MED12L: variants seen among roughly 807,000 people sequenced by gnomAD.
MED12L encodes the protein mediator complex subunit 12L.
MED12L carries 60 observed loss-of-function variants against 281.3 expected under a neutral mutation model. The observed-to-expected ratio is 0.21, with a 90% CI of 0.17 to 0.26. The LOEUF is 0.26. MED12L is among the 10% of genes least tolerant of loss of function. MED12L has a pLI of 1.00. For synonymous variants in MED12L, 974 were observed against 987.2 expected (o/e 0.99, Z 0.25); for missense variants, 2,146 against 2,680.9 (o/e 0.80, Z 4.41).
At chr3:151,138,257 TG>T (rs1716440372) in intron 5 of MED12L, among the ~76,000 whole-genome samples, 1 of 151,886 alleles carries the variant, frequency 6.6e-6, no homozygotes, top group Non-Finnish European at 1.5e-5. Context: ...TCCTTCATTG[TG>T]TGGATGTACC....
rs200113922 is a variant in MED12L, at chr3:151,368,717, T to G, written c.3550+466T>G. ...TTCATTTCATTTCATTTCATTTCAT[T>G]TCATTTCATTTCATTTCATTTCATT... is the stretch of plus-strand genomic sequence containing the variant. On this transcript the variant is annotated intron_variant, in intron 25 of 44. Transcript: ENST00000687756. 2.7e-3 allele frequency among the ~76,000 whole-genome samples: 234 copies of G among 85,856 alleles called. 5 individuals carry two copies. The highest frequency in any genetic ancestry group is 7.9e-3 in the East Asian group (23 of 2,914). 56.3% of individuals were successfully genotyped at this position (85,856 alleles called of 152,430 possible). A position where few individuals can be genotyped will look rare whatever the true frequency, so the allele number is the denominator to read the frequency against.
chr3:151,116,577 C>T (rs537364334), intron 3 of MED12L, 135 bp downstream of exon 3: 12 of 599,420 alleles, frequency 2.0e-5, no homozygotes, highest in East Asian at 2.8e-5. Flanking sequence ...CCATGTATAC[C>T]GTCCTGCCCC....
At chr3:151,275,974 G>A (rs138440911) in intron 16 of MED12L, among the ~76,000 whole-genome samples, 1 of 152,280 alleles carries the variant, frequency 6.6e-6, no homozygotes, top group Admixed American at 6.5e-5. Flanking sequence ...GTAGTAGACA[G>A]CATCTGGCCA....
At chr3:151,089,156 C>T (rs1044936374) in intron 2 of MED12L, among the ~76,000 whole-genome samples, 5 of 152,052 alleles carry the variant, frequency 3.3e-5, no homozygotes, top group Non-Finnish European at 5.9e-5. Flanking sequence ...CAGTACTACA[C>T]GTGGAGTCAT....
chr3:151,421,744 TTTTC>T (rs1169890328), intron 43 of MED12L, among the ~76,000 whole-genome samples: 3 of 152,108 alleles, frequency 2.0e-5, no homozygotes, highest in Non-Finnish European at 4.4e-5. Context: ...CTTTCGGTAT[TTTTC>T]TTTTTCTTAA....
At chr3:151,203,161 G>A (rs1451068422) in intron 16 of MED12L, 4 of 152,170 alleles carry the variant, frequency 2.6e-5, no homozygotes, top group Non-Finnish European at 5.9e-5. Flanking sequence ...AGAGAAGCAT[G>A]AGCTGTTTGG....
chr3:151,355,818 A>C, intron 18 of MED12L, 78 bp from the exon 19 acceptor site: 1 of 1,345,194 alleles, frequency 7.4e-7, no homozygotes, highest in Non-Finnish European at 1.0e-6. Flanking sequence ...AACTGTCTTA[A>C]AAAGTAAAAA....
chr3:151,327,911 T>A, intron 16 of MED12L: 1 of 1,043,756 alleles, frequency 9.6e-7, no homozygotes, highest in East Asian at 2.5e-5. Flanking sequence ...GTTCCAATCT[T>A]TTTTTCTTGG....
intron 11 of MED12L, among the ~76,000 whole-genome samples, chr3:151,169,106 G>GT (rs765289999): frequency 0.037 from 4,324 of 115,472 alleles, 49 homozygotes; most frequent in African/African-American, 0.058. Flanking sequence ...CTTTTTCTTT[G>GT]TTTTTTTTTT....
chr3:151,132,984 T>C (rs1001921694), intron 5 of MED12L, among the ~76,000 whole-genome samples: 2 of 152,218 alleles, frequency 1.3e-5, no homozygotes, highest in Non-Finnish European at 2.9e-5. Flanking sequence ...TCACATACAC[T>C]TCAGAAGATT....
At chr3:151,211,064 T>G (rs897415738) in intron 16 of MED12L, among the ~76,000 whole-genome samples, 14 of 152,364 alleles carry the variant, frequency 9.2e-5, no homozygotes, top group African/African-American at 3.1e-4. Flanking sequence ...TTATTATTGC[T>G]GGTGCTCTGC....
At chr3:151,345,711 T>G (rs1177462451) in intron 16 of MED12L, among the ~76,000 whole-genome samples, 1 of 151,744 alleles carries the variant, frequency 6.6e-6, no homozygotes, top group Non-Finnish European at 1.5e-5. Context: ...AGAGATGGAG[T>G]TTTCCCATGT....
intron 41 of MED12L, among the ~76,000 whole-genome samples, chr3:151,412,775 G>C (rs113855457): frequency 6.6e-6 from 1 of 152,152 alleles, no homozygotes; most frequent in African/African-American, 2.4e-5. Flanking sequence ...TAGGGATAAC[G>C]AAACTGCTGA....
At chr3:151,095,667 T>C (rs1002867842) in intron 2 of MED12L, among the ~76,000 whole-genome samples, 2 of 152,258 alleles carry the variant, frequency 1.3e-5, no homozygotes, top group African/African-American at 4.8e-5. Context: ...GCAGACACTT[T>C]GTTGGCTACT....
intron 2 of MED12L, among the ~76,000 whole-genome samples, chr3:151,109,593 C>G (rs1711554264): frequency 6.6e-6 from 1 of 152,166 alleles, no homozygotes; most frequent in Non-Finnish European, 1.5e-5. Flanking sequence ...TGGTTTGGTG[C>G]ACTGCTACTC....
At chr3:151,380,801 G>A (rs1175506990) in intron 32 of MED12L, among the ~76,000 whole-genome samples, 1 of 152,054 alleles carries the variant, frequency 6.6e-6, no homozygotes, top group Non-Finnish European at 1.5e-5. Context: ...CTATCTGCCC[G>A]TCTCCTAACT....
chr3:151,091,528 C>A (rs1720047586), intron 2 of MED12L, among the ~76,000 whole-genome samples: 1 of 152,200 alleles, frequency 6.6e-6, no homozygotes, highest in Admixed American at 6.5e-5. Flanking sequence ...GAGCATTCTG[C>A]TTGATACGAG....
intron 37 of MED12L, 104 bp from the exon 38 acceptor site, chr3:151,389,875 C>A: frequency 9.2e-7 from 1 of 1,085,116 alleles, no homozygotes; most frequent in Non-Finnish European, 1.4e-6. Flanking sequence ...CAGCTTTGTA[C>A]ATTGGGATAG....
chr3:151,135,997 A>G (rs919574457), intron 5 of MED12L, among the ~76,000 whole-genome samples: 4 of 152,160 alleles, frequency 2.6e-5, no homozygotes, highest in African/African-American at 4.8e-5. Context: ...GAAGCTTAAA[A>G]TGCTTCGTGG....
Sources: gnomAD v4.1 joint callset for allele counts (sites outside exome capture counted in the v4.1 genomes callset) on GRCh38, gnomAD v4.1.1 for gene constraint, MANE v1.5 for transcripts, NCBI Gene and HGNC (gene_info 2026-07-23, HGNC 2026-07-21) for gene names.